Variants in RANBP3L observed in about 807,000 individuals in gnomAD.
The protein encoded by RANBP3L is ran-binding protein 3-like.
Under a neutral mutation model 67.2 loss-of-function variants are expected in RANBP3L, and 56 were observed. The observed-to-expected ratio is 0.83, with a 90% CI of 0.67 to 1.04. The LOEUF is 1.04. Ranked by LOEUF, RANBP3L falls within the 50% of genes least tolerant of loss-of-function variation. RANBP3L has a pLI of 0.00. For missense variants in RANBP3L, 496 were observed against 535.5 expected, an observed-to-expected ratio of 0.93 and a Z score of 0.73; for synonymous variants, 164 against 181.4, an observed-to-expected ratio of 0.90 and a Z score of 0.77.
chr5:36,251,420 C>G lies in RANBP3L; in HGVS notation c.1247G>C (p.Arg416Thr). 6.2e-7 allele frequency: 1 copy of G among 1,613,266 alleles called. No individual in the cohort carries two copies. Among genetic ancestry groups the G allele is most frequent in the Non-Finnish European group, 8.5e-7 (1 of 1,179,462 alleles). Residue 416 changes from arginine to threonine, a missense_variant, in exon 13 of 14, where the codon AGA (arginine) becomes ACA (threonine). Physicochemically the swap from Arg to Thr is moderately conservative, Grantham distance 71. Transcript: ENST00000296604. ...LVALQSFNKQ[R>T]DVNQAESLSE... ...CAGGCTTTCAGCTTGATTGACATCTCTCTGCTTATTGAAGCTTTGAAGTGC... is the reference window on the plus strand; with the variant it reads ...CAGGCTTTCAGCTTGATTGACATCTGTCTGCTTATTGAAGCTTTGAAGTGC...
chr5:36,253,699 C>T lies in RANBP3L; in HGVS notation c.1115G>A (p.Arg372Gln), dbSNP rs773106667. ...GTCTTCTAAATCAGTAGCTGTTATT[C>T]GTACATTTTTGTGGTTTGCTCTTTG... ...KIQRANHKNV[R>Q]ITATDLEDYS... Residue 372 changes from arginine (R) to glutamine (Q), a missense_variant, in exon 12 of 14, where the codon CGA (arginine) becomes CAA (glutamine). Physicochemically the swap from Arg to Gln is conservative, Grantham distance 43. Transcript: ENST00000296604. 25 of 1,611,340 alleles carry T rather than the reference C, an allele frequency of 1.6e-5. No individual in the cohort carries two copies. The highest frequency in any genetic ancestry group is 2.7e-5 in the African/African-American group (2 of 74,944).
At chr5:36,263,676 G>A (rs572482886) in intron 6 of RANBP3L, among the ~76,000 whole-genome samples, 10 of 152,214 alleles carry the variant, frequency 6.6e-5, no homozygotes, top group African/African-American at 2.4e-4. Flanking sequence ...ACAGGCACAT[G>A]CCACCATGCC....
chr5:36,257,242 G>A (rs1749049705), intron 9 of RANBP3L, among the ~76,000 whole-genome samples, 171 bp from the exon 10 acceptor site: 2 of 151,932 alleles, frequency 1.3e-5, no homozygotes, highest in African/African-American at 2.4e-5. Flanking sequence ...TTCCCCCATA[G>A]CATTAACTCA....
At position 36,257,927 on chromosome 5, in the gene RANBP3L, C is replaced by T. The variant is rs115564668; in HGVS notation, c.670-371G>A. On this transcript the variant is annotated intron_variant, in intron 8 of 13. Transcript: ENST00000296604. ...AAGAAAGAAAATGTGCCTTTGAACT[C>T]GGGAGTTAAAAAGTATAATTCAATT... is the stretch of plus-strand genomic sequence containing the variant. Among the ~76,000 whole-genome samples the T allele has an allele frequency of 8.3e-3, 1,258 of 152,034 alleles. 17 individuals carry two copies. Among genetic ancestry groups the T allele is most frequent in the African/African-American group, 0.029 (1,187 of 41,462 alleles).
rs1016465571 is a variant in RANBP3L, at chr5:36,301,515, G to C, written c.-99C>G. 2.9e-5 allele frequency: 23 copies of C among 782,374 alleles called. No individual in the cohort carries two copies. Among genetic ancestry groups the C allele is most frequent in the Non-Finnish European group, 4.0e-5 (18 of 449,544 alleles). 48.5% of individuals were successfully genotyped at this position (782,374 alleles called of 1,614,324 possible). A position where few individuals can be genotyped will look rare whatever the true frequency, so the allele number is the denominator to read the frequency against. Reference sequence around the variant, plus strand: ...TTCACCAGACACCCAGAAATACATAGATTCATGCAGATCTTGTCTTTGCAT... The same window carrying C: ...TTCACCAGACACCCAGAAATACATACATTCATGCAGATCTTGTCTTTGCAT... On this transcript the variant is annotated 5_prime_UTR_variant, in exon 1 of 14. It adds an upstream start codon to the 5' untranslated region. Coordinates refer to ENST00000296604, the MANE Select transcript of RANBP3L (RefSeq NM_145000.5).
rs1748586448 is a variant in RANBP3L at position 36,251,428 on chromosome 5, A to G, written c.1239T>C (p.Asn413=). Residue 413 remains asparagine, a synonymous_variant, in exon 13 of 14, where the codon AAT becomes AAC. Transcript: ENST00000296604. ...HHRLVALQSF[N]KQRDVNQAES... ...CAGCTTGATTGACATCTCTCTGCTT[A>G]TTGAAGCTTTGAAGTGCAACAAGAC... 1 of 1,613,168 alleles carries G rather than the reference A, an allele frequency of 6.2e-7. No homozygotes were observed. Among genetic ancestry groups the G allele is most frequent in the Non-Finnish European group, 8.5e-7 (1 of 1,179,406 alleles).
chr5:36,278,154 G>A (rs1750729790), intron 1 of RANBP3L, among the ~76,000 whole-genome samples: 1 of 152,156 alleles, frequency 6.6e-6, no homozygotes, highest in African/African-American at 2.4e-5. Flanking sequence ...TAGCTCTGGG[G>A]GAAGTGCCTC....
At chr5:36,280,923 T>C (rs964411881) in intron 1 of RANBP3L, among the ~76,000 whole-genome samples, 1 of 152,216 alleles carries the variant, frequency 6.6e-6, no homozygotes, top group African/African-American at 2.4e-5. Flanking sequence ...TAACTTAATA[T>C]GACTTTAAGA....
chr5:36,301,365 T>A lies in RANBP3L; in HGVS notation c.52A>T (p.Thr18Ser), dbSNP rs573322389. The A allele has an allele frequency of 6.2e-7, 1 of 1,613,656 alleles. No individual in the cohort carries two copies. ...TCCTCCTGCAGCTTCAGTTTACAGGTGTGCAAACTGCCAGGCAGGTGGCTG... is the reference window on the plus strand; with the variant it reads ...TCCTCCTGCAGCTTCAGTTTACAGGAGTGCAAACTGCCAGGCAGGTGGCTG... ...GSSHLPGSLH[T>S]CKLKLQEDRR... Residue 18 changes from threonine (T) to serine (S), a missense_variant, in exon 1 of 14, where the codon ACC becomes TCC. By Grantham distance (58) the Thr-to-Ser change is moderately conservative (BLOSUM62 1). Transcript: ENST00000296604.
At position 36,249,173 on chromosome 5, in the gene RANBP3L, T is replaced by C. The variant is rs374729942; in HGVS notation, c.*481A>G. 6.6e-6 allele frequency: 1 copy of C among 152,092 alleles called. No individual in the cohort carries two copies. The highest frequency in any genetic ancestry group is 1.5e-5 in the Non-Finnish European group (1 of 67,942). The allele number at this position is 152,092 out of a possible 1,614,324, so 9.4% of individuals were successfully genotyped here. Reference sequence around the variant, plus strand: ...AGGAAATCCAAAAGCTAAATTAAAATATTTCCCAGAAGATAAATAGGATTT... The same window carrying C: ...AGGAAATCCAAAAGCTAAATTAAAACATTTCCCAGAAGATAAATAGGATTT... On this transcript the variant is annotated 3_prime_UTR_variant, in exon 14 of 14. Transcript: ENST00000296604.
intron 1 of RANBP3L, among the ~76,000 whole-genome samples, chr5:36,274,192 T>G (rs1228178626): frequency 3.3e-5 from 5 of 152,174 alleles, no homozygotes; most frequent in Non-Finnish European, 5.9e-5. Flanking sequence ...TTTTCTAAAC[T>G]TTTTCCTTTA....
At chr5:36,275,330 A>G (rs928135516) in intron 1 of RANBP3L, among the ~76,000 whole-genome samples, 2 of 152,200 alleles carry the variant, frequency 1.3e-5, no homozygotes, top group African/African-American at 4.8e-5. Flanking sequence ...GCCTCACTAA[A>G]TGCATACCAT....
chr5:36,250,625 G>A (rs988017626), intron 13 of RANBP3L, among the ~76,000 whole-genome samples: 1 of 152,074 alleles, frequency 6.6e-6, no homozygotes, highest in African/African-American at 2.4e-5. Flanking sequence ...TAGTGAAAAC[G>A]CTTGGATGAC....
At chr5:36,256,206 A>G (rs1357360392) in intron 10 of RANBP3L, among the ~76,000 whole-genome samples, 1 of 152,076 alleles carries the variant, frequency 6.6e-6, no homozygotes, top group Non-Finnish European at 1.5e-5. Context: ...AAAATATAGC[A>G]TCCTGGAGCC....
At chr5:36,296,308 C>T (rs1324701150) in intron 1 of RANBP3L, among the ~76,000 whole-genome samples, 1 of 152,052 alleles carries the variant, frequency 6.6e-6, no homozygotes, top group African/African-American at 2.4e-5. Context: ...GAATCTGAAA[C>T]GGGGCAGTCT....
At chr5:36,290,836 A>T (rs549259678) in intron 1 of RANBP3L, among the ~76,000 whole-genome samples, 78 of 139,852 alleles carry the variant, frequency 5.6e-4, no homozygotes, top group Non-Finnish European at 8.9e-4. Context: ...GGTTCAAGCG[A>T]TTCTCCTGCC....
intron 1 of RANBP3L, among the ~76,000 whole-genome samples, chr5:36,290,223 C>CTT (rs1751624949): frequency 2.8e-5 from 1 of 35,558 alleles, no homozygotes; most frequent in African/African-American, 9.1e-5. Context: ...CTCTGTCTCA[C>CTT]CTTTTTTTTT....
intron 1 of RANBP3L, among the ~76,000 whole-genome samples, chr5:36,288,053 A>G (rs1384944027): frequency 1.3e-5 from 2 of 152,220 alleles, no homozygotes; most frequent in Non-Finnish European, 2.9e-5. Context: ...AATTACATAG[A>G]ATAAAATGCA....
In RANBP3L at chr5:36,260,836, A is replaced by G; in HGVS notation, c.613T>C (p.Phe205Leu). 6.5e-7 allele frequency: 1 copy of G among 1,536,736 alleles called. No individual in the cohort carries two copies. The highest frequency in any genetic ancestry group is 9.0e-7 in the Non-Finnish European group (1 of 1,116,068). Residue 205 changes from phenylalanine (F) to leucine (L), a missense_variant, in exon 8 of 14, where the codon TTT (phenylalanine) becomes CTT (leucine). Coordinates refer to ENST00000296604, the MANE Select transcript of RANBP3L (RefSeq NM_145000.5). The part of the protein sequence containing the change: ...GCQPNEDKCS[F>L]KSCSSNFVFG... Reference sequence around the variant, plus strand: ...ACAAAATTGGAACTGCAGCTTTTAAAAGAACATTTATCTTCATTTGGTTGA... The same window carrying G: ...ACAAAATTGGAACTGCAGCTTTTAAGAGAACATTTATCTTCATTTGGTTGA...
Sources: gnomAD v4.1 joint callset for allele counts (sites outside exome capture counted in the v4.1 genomes callset) on GRCh38, gnomAD v4.1.1 for gene constraint, MANE v1.5 for transcripts, NCBI Gene and HGNC (gene_info 2026-07-23, HGNC 2026-07-21) for gene names.